Variants in CDK12 observed in about 807,000 individuals in gnomAD.
The protein encoded by CDK12 is cyclin dependent kinase 12.
In CDK12, 17 loss-of-function variants were observed where a neutral mutation model predicts 133.8. That is an observed-to-expected ratio of 0.13 (90% CI 0.09 to 0.19). The LOEUF is 0.19. Ranked by LOEUF, CDK12 falls within the 10% of genes least tolerant of loss-of-function variation. CDK12 has a pLI of 1.00. For synonymous variants in CDK12, 694 were observed against 683.6 expected, an observed-to-expected ratio of 1.02 and a Z score of -0.24; for missense variants, 1,508 against 1,818.7, an observed-to-expected ratio of 0.83 and a Z score of 3.11.
chr17:39,481,625 GCTCGCGCGCTCTCTCTCTCTCTCTCT>G (rs2050660171), intron 2 of CDK12, among the ~76,000 whole-genome samples: 6 of 100,612 alleles, frequency 6.0e-5, no homozygotes, highest in African/African-American at 2.2e-4. Context: ...GTGCTTGCTC[GCTCGCGCGCTCTCTCTCTCTCTCTCT>G]CTCTCTCTCT....
chr17:39,506,944 T>C (rs2053169723), intron 6 of CDK12, among the ~76,000 whole-genome samples: 1 of 152,094 alleles, frequency 6.6e-6, no homozygotes, highest in Non-Finnish European at 1.5e-5. Context: ...TCACCCAGGC[T>C]GGAGTGCAGT....
At chr17:39,537,943 A>G (rs552781601), downstream of CDK12, among the ~76,000 whole-genome samples, 11 of 152,186 alleles carry the variant, frequency 7.2e-5, no homozygotes, top group South Asian at 1.9e-3. Flanking sequence ...TTATAGGATA[A>G]TTTTCTTAGA....
At chr17:39,542,481 G>A (rs1007941648) in intron 1 of CDK12, among the ~76,000 whole-genome samples, 7 of 151,082 alleles carry the variant, frequency 4.6e-5, no homozygotes, top group East Asian at 1.9e-4. Flanking sequence ...GTGAGCCACC[G>A]CGCCCAGCCT....
intron 2 of CDK12, among the ~76,000 whole-genome samples, chr17:39,476,409 T>A (rs1461740661): frequency 6.6e-6 from 1 of 151,672 alleles, no homozygotes; most frequent in Non-Finnish European, 1.5e-5. Flanking sequence ...GTGCCCCAAC[T>A]ATTTATTATT....
intron 2 of CDK12, among the ~76,000 whole-genome samples, chr17:39,554,677 G>C (rs181510531): frequency 3.7e-4 from 57 of 152,072 alleles, no homozygotes; most frequent in Admixed American, 1.3e-3. Flanking sequence ...TCAGGAGATA[G>C]AGACCCTCCT....
intron 2 of CDK12, among the ~76,000 whole-genome samples, chr17:39,479,060 G>A (rs950823769): frequency 9.2e-5 from 14 of 152,046 alleles, no homozygotes; most frequent in African/African-American, 3.4e-4. Context: ...TGTAATCCCA[G>A]CACTTTGGAA....
At chr17:39,545,636 T>G (rs2055653580), upstream of CDK12, among the ~76,000 whole-genome samples, 1 of 150,768 alleles carries the variant, frequency 6.6e-6, no homozygotes, top group Non-Finnish European at 1.5e-5. Flanking sequence ...GCAGCTGGGA[T>G]TACAGGTGCC....
upstream of CDK12, among the ~76,000 whole-genome samples, chr17:39,544,909 C>T (rs1244228450): frequency 6.6e-5 from 10 of 152,112 alleles, no homozygotes; most frequent in East Asian, 7.7e-4. Context: ...GGATTACAGG[C>T]GTGAGCCACC....
intron 3 of CDK12, among the ~76,000 whole-genome samples, chr17:39,491,693 G>A (rs2051614114): frequency 6.9e-6 from 1 of 145,386 alleles, no homozygotes; most frequent in African/African-American, 2.5e-5. Context: ...GTGAGAGACT[G>A]TTTATGTATT....
chr17:39,530,408 T>G (rs1260540647), intron 13 of CDK12, 196 bp from the exon 14 acceptor site: 1 of 653,588 alleles, frequency 1.5e-6, no homozygotes. Context: ...CACTAGCTGT[T>G]AGATCCAGGA....
rs867562933 is a variant in CDK12, at chr17:39,532,122, C to A, written c.*806C>A. 2.8e-5 allele frequency: 6 copies of A among 216,756 alleles called. No individual in the cohort carries two copies. The highest frequency in any genetic ancestry group is 9.1e-5 in the African/African-American group (4 of 43,988). 13.4% of individuals were successfully genotyped at this position (216,756 alleles called of 1,614,324 possible). A position where few individuals can be genotyped will look rare whatever the true frequency, so the allele number is the denominator to read the frequency against. On this transcript the variant is annotated 3_prime_UTR_variant, in exon 14 of 14. Transcript: ENST00000447079. Reference sequence around the variant, plus strand: ...TCTCTTTCTCTCTCTCTCTCTCTCTCTCTCTCTCTCTCTCTCTCTCTGTCT... The same window carrying A: ...TCTCTTTCTCTCTCTCTCTCTCTCTATCTCTCTCTCTCTCTCTCTCTGTCT...
chr17:39,505,597 G>A (rs2053063511), intron 6 of CDK12, among the ~76,000 whole-genome samples: 1 of 152,030 alleles, frequency 6.6e-6, no homozygotes, highest in South Asian at 2.1e-4. Context: ...GAATAGATGG[G>A]ATCAAGGCCA....
At chr17:39,522,212 C>T (rs890201018) in intron 11 of CDK12, among the ~76,000 whole-genome samples, 2 of 151,614 alleles carry the variant, frequency 1.3e-5, no homozygotes, top group East Asian at 1.9e-4. Context: ...CTCAGCCTCC[C>T]GAGTAGCTGG....
chr17:39,563,015 C>T (rs1041365333), intron 3 of CDK12, among the ~76,000 whole-genome samples: 2 of 148,676 alleles, frequency 1.3e-5, no homozygotes, highest in African/African-American at 2.5e-5. Context: ...CCTTGGAAGA[C>T]GAATGCATTT....
chr17:39,497,799 CT>C (rs1157916380), intron 5 of CDK12, among the ~76,000 whole-genome samples: 1 of 151,914 alleles, frequency 6.6e-6, no homozygotes, highest in Non-Finnish European at 1.5e-5. Context: ...GAAACAGGAT[CT>C]CTCTATGTTG....
chr17:39,539,050 G>A (rs1401451450), downstream of CDK12, among the ~76,000 whole-genome samples: 1 of 152,174 alleles, frequency 6.6e-6, no homozygotes, highest in Non-Finnish European at 1.5e-5. Context: ...AGGAAGTAAA[G>A]AGTCAGCATT....
downstream of CDK12, among the ~76,000 whole-genome samples, chr17:39,566,082 T>C (rs2144740727): frequency 6.6e-6 from 1 of 152,344 alleles, no homozygotes; most frequent in East Asian, 1.9e-4. Context: ...TTGCTTCATC[T>C]ATAGGCCAGG....
At position 39,524,715 on chromosome 17, in the gene CDK12, A is replaced by G; in HGVS notation, c.3137A>G (p.Lys1046Arg). 6.2e-7 allele frequency: 1 copy of G among 1,614,160 alleles called. No individual in the cohort carries two copies. The highest frequency in any genetic ancestry group is 8.5e-7 in the Non-Finnish European group (1 of 1,180,032). The change falls in exon 12 of 14, where the codon AAA (lysine) becomes AGA (arginine). Residue 1046 changes from lysine (K) to arginine (R), a missense_variant. Physicochemically the swap from Lys to Arg is conservative, Grantham distance 26. This residue lies in a region of CDK12 where 399 missense variants were observed against 469.6 expected (regional missense o/e 0.85). Transcript: ENST00000447079. ...GATTGCCATGAGTTGTGGAGTAAGA[A>G]ACGGCGACGTCAGCGACAAAGTGGT... is the stretch of plus-strand genomic sequence containing the variant. Reference protein sequence around the residue: ...WQDCHELWSKKRRRQRQSGVV... With the variant: ...WQDCHELWSKRRRRQRQSGVV...
chr17:39,533,810 A>AT lies in CDK12; in HGVS notation c.*2497dup, dbSNP rs2143320314. ...AAAAGCAGAGGAGAAAAAAAAACTTATTTAAATATCCTGGAATCTGTATGG... is the reference window on the plus strand; with the variant it reads ...AAAAGCAGAGGAGAAAAAAAAACTTATTTTAAATATCCTGGAATCTGTATGG... On this transcript the variant is annotated 3_prime_UTR_variant, in exon 14 of 14. Coordinates refer to ENST00000447079, the MANE Select transcript of CDK12 (RefSeq NM_016507.4). The AT allele has an allele frequency of 4.3e-6, 1 of 232,522 alleles. No homozygotes were observed. The highest frequency in any genetic ancestry group is 1.8e-4 in the South Asian group (1 of 5,518). The allele number at this position is 232,522 out of a possible 1,614,324, so 14.4% of individuals were successfully genotyped here. A position where few individuals can be genotyped will look rare whatever the true frequency, so the allele number is the denominator to read the frequency against.
Sources: gnomAD v4.1 joint callset for allele counts (sites outside exome capture counted in the v4.1 genomes callset) on GRCh38, gnomAD v4.1.1 for gene constraint, gnomAD v4.1.1 regional missense constraint, MANE v1.5 for transcripts, NCBI Gene and HGNC (gene_info 2026-07-23, HGNC 2026-07-21) for gene names.